Variants in ITPRID2 observed in about 807,000 individuals in gnomAD.
ITPRID2 encodes the protein ITPR interacting domain containing 2.
Under a neutral mutation model 124.3 loss-of-function variants are expected in ITPRID2, and 60 were observed. The observed-to-expected ratio is 0.48, with a 90% CI of 0.39 to 0.60. The LOEUF (loss-of-function observed/expected upper bound fraction) is 0.60. Ranked by LOEUF, ITPRID2 falls within the 20% of genes least tolerant of loss-of-function variation. ITPRID2 has a pLI of 0.00. For synonymous variants in ITPRID2, 521 were observed against 542.9 expected (o/e 0.96, Z 0.56); for missense variants, 1,553 against 1,512.2 (o/e 1.03, Z -0.45).
intron 16 of ITPRID2, among the ~76,000 whole-genome samples, chr2:181,925,392 TTTCCTCACTTCTAATCC>T (rs1694770898): frequency 6.6e-6 from 1 of 152,178 alleles, no homozygotes; most frequent in Non-Finnish European, 1.5e-5. Context: ...CCCAGGGTAG[TTTCCTCACTTCTAATCC>T]TTCCAACCTC....
rs982248954 is a variant in ITPRID2 at position 181,920,780 on chromosome 2, T to C, written c.3210+118T>C. On this transcript the variant is annotated intron_variant, in intron 15 of 17. Transcript: ENST00000431877. ...TTTAAATACATAATTTGATAAATTATTGTTGATTGGAAGTGACTTTCACCT... is the reference window on the plus strand; with the variant it reads ...TTTAAATACATAATTTGATAAATTACTGTTGATTGGAAGTGACTTTCACCT... 8 of 819,944 alleles carry C rather than the reference T, an allele frequency of 9.8e-6. No individual in the cohort carries two copies. The African/African-American group carries it at 1.2e-4, about 12-fold the overall frequency. The allele number at this position is 819,944 out of a possible 1,614,324, so 50.8% of individuals were successfully genotyped here.
rs1695201099 is a variant in ITPRID2 at position 181,930,546 on chromosome 2, T to C, written c.*999T>C. 1 of 152,570 alleles carries C rather than the reference T, an allele frequency of 6.6e-6. No homozygotes were observed. Among genetic ancestry groups the C allele is most frequent in the African/African-American group, 2.4e-5 (1 of 41,452 alleles). 9.5% of individuals were successfully genotyped at this position (152,570 alleles called of 1,614,324 possible). On this transcript the variant is annotated 3_prime_UTR_variant, in exon 18 of 18. Transcript: ENST00000431877. ...CCACCAAATGTTATTAGAATTTTTC[T>C]TCTAGCATTTATAATTTTTTCAACT...
intron 10 of ITPRID2, among the ~76,000 whole-genome samples, chr2:181,914,739 A>C (rs988434784): frequency 6.6e-6 from 1 of 152,230 alleles, no homozygotes; most frequent in Non-Finnish European, 1.5e-5. Flanking sequence ...AATAACCGTA[A>C]GAGAAGAACT....
At position 181,916,432 on chromosome 2, in the gene ITPRID2, G is replaced by A; in HGVS notation, c.2787+5G>A. ...TCACTGCAGAATCTTTCACAGGTAT[G>A]AGAAAAAGTATGTTATCATTAGCTT... On this transcript the variant is annotated splice_donor_5th_base_variant and intron_variant, in intron 11 of 17. Coordinates refer to ENST00000431877, the MANE Select transcript of ITPRID2 (RefSeq NM_001130445.3). 1 of 1,608,222 alleles carries A rather than the reference G, an allele frequency of 6.2e-7. No individual in the cohort carries two copies. Among genetic ancestry groups the A allele is most frequent in the Non-Finnish European group, 8.5e-7 (1 of 1,176,848 alleles).
chr2:181,921,816 A>G, intron 15 of ITPRID2, 132 bp from the exon 16 acceptor site: 4 of 813,978 alleles, frequency 4.9e-6, no homozygotes, highest in Non-Finnish European at 7.6e-6. Context: ...AGTAGTTATT[A>G]AATTAATGGA....
Position 181,918,802 on chromosome 2 carries a change from T to A in ITPRID2, c.2913T>A (p.Phe971Leu), listed in dbSNP as rs975844573. The change falls in exon 13 of 18, where the codon TTT becomes TTA. Residue 971 changes from phenylalanine (F) to leucine (L), a missense_variant. Coordinates refer to ENST00000431877, the MANE Select transcript of ITPRID2 (RefSeq NM_001130445.3). ...TAATGAGGCGGAGCCTGAATTTGTT[T>A]AGAACACAAATGATGGATTTAGAAT... ...LQVMRRSLNLFRTQMMDLELA... is the reference protein window; with the variant it reads ...LQVMRRSLNLLRTQMMDLELA... 1.2e-6 allele frequency: 2 copies of A among 1,614,088 alleles called. No homozygotes were observed. The highest frequency in any genetic ancestry group is 2.7e-5 in the African/African-American group (2 of 74,948).
Position 181,915,774 on chromosome 2 carries a change from C to T in ITPRID2, c.2134C>T (p.Arg712Cys), listed in dbSNP as rs779256788. 29 of 1,613,944 alleles carry T rather than the reference C, an allele frequency of 1.8e-5. No homozygotes were observed. The African/African-American group carries it at 2.3e-4, about 13-fold the overall frequency. Reference sequence around the variant, plus strand: ...CAGTCTGTCTAATCAAAGGATGGGGCGTAGCCTGCTAAAATCAAAAGATTT... The same window carrying T: ...CAGTCTGTCTAATCAAAGGATGGGGTGTAGCCTGCTAAAATCAAAAGATTT... ...VCSLSNQRMG[R>C]SLLKSKDLLK... Residue 712 changes from arginine to cysteine, a missense_variant, in exon 11 of 18, where the codon CGT (arginine) becomes TGT (cysteine). Transcript: ENST00000431877.
intron 11 of ITPRID2, chr2:181,918,189 T>C: frequency 2.1e-6 from 1 of 465,256 alleles, no homozygotes; most frequent in Non-Finnish European, 2.8e-6. Context: ...TAGTGGCATA[T>C]AGGAAATGCT....
At position 181,910,560 on chromosome 2, in the gene ITPRID2, T is replaced by C. The variant is rs79765809; in HGVS notation, c.1486+589T>C. ...CAACAACAACAACAAAAATGTGTGA[T>C]CTTTGGATTTACAAAACTTTTGAGC... is the stretch of plus-strand genomic sequence containing the variant. On this transcript the variant is annotated intron_variant, in intron 9 of 17. Coordinates refer to ENST00000431877, the MANE Select transcript of ITPRID2 (RefSeq NM_001130445.3). The surrounding 1 kb of genome is among the most constrained non-coding windows in gnomAD (Gnocchi z 4.1). 0.037 allele frequency: 25,409 copies of C among 681,778 alleles called. 880 individuals carry two copies. The highest frequency in any genetic ancestry group is 0.13 in the East Asian group (4,634 of 36,128). 42.2% of individuals were successfully genotyped at this position (681,778 alleles called of 1,614,324 possible). A position where few individuals can be genotyped will look rare whatever the true frequency, so the allele number is the denominator to read the frequency against.
chr2:181,899,558 A>G (rs1461099626), intron 6 of ITPRID2, among the ~76,000 whole-genome samples: 1 of 152,206 alleles, frequency 6.6e-6, no homozygotes, highest in African/African-American at 2.4e-5. Context: ...TAGTATAGCC[A>G]GGCCCAGTGG....
intron 11 of ITPRID2, chr2:181,917,016 A>T (rs960011338): frequency 1.6e-5 from 16 of 984,824 alleles, no homozygotes; most frequent in Non-Finnish European, 1.9e-5. Context: ...GTAAAGTGTG[A>T]ATTTGATTTA....
chr2:181,922,408 G>A lies in ITPRID2; in HGVS notation c.3671G>A (p.Arg1224Gln), dbSNP rs1362985053. 27 of 1,604,752 alleles carry A rather than the reference G, an allele frequency of 1.7e-5. No homozygotes were observed. In the East Asian group the frequency reaches 2.7e-4, roughly 16 times the overall value. Reference sequence around the variant, plus strand: ...CAAGATGAGTTGCAGCAAGTCATACGGGAGGTGGGTAAAATCTGTGTTTCA... The same window carrying A: ...CAAGATGAGTTGCAGCAAGTCATACAGGAGGTGGGTAAAATCTGTGTTTCA... ...VEQDELQQVI[R>Q]EIKESIVGEI... The change falls in exon 16 of 18, where the codon CGG (arginine) becomes CAG (glutamine). Residue 1224 changes from arginine (R) to glutamine (Q), a missense_variant. Physicochemically the swap from Arg to Gln is conservative, Grantham distance 43 (BLOSUM62 1). Transcript: ENST00000431877.
chr2:181,914,223 AT>A (rs1052802910), intron 10 of ITPRID2, among the ~76,000 whole-genome samples: 1 of 151,876 alleles, frequency 6.6e-6, no homozygotes, highest in Non-Finnish European at 1.5e-5. Context: ...TGTTTTTCTT[AT>A]TTTTTTAACC....
Position 181,910,704 on chromosome 2 carries a change from A to T in ITPRID2, c.1486+733A>T, listed in dbSNP as rs1693536992. The T allele has an allele frequency of 1.5e-6, 1 of 646,834 alleles. No individual in the cohort carries two copies. Among genetic ancestry groups the T allele is most frequent in the Non-Finnish European group, 2.8e-6 (1 of 356,938 alleles). The allele number at this position is 646,834 out of a possible 1,614,324, so 40.1% of individuals were successfully genotyped here. On this transcript the variant is annotated intron_variant, in intron 9 of 17. Coordinates refer to ENST00000431877, the MANE Select transcript of ITPRID2 (RefSeq NM_001130445.3). This position sits in a 1 kb window ranked among gnomAD's most constrained non-coding sequence, Gnocchi z 4.1. The stretch of plus-strand genomic sequence containing the variant: ...TTTTTTTAAACAAAGATTCGTATGT[A>T]TGTTCCTAGAATAGGAAATTACATG...
chr2:181,902,571 A>C lies in ITPRID2; in HGVS notation c.1413+105A>C, dbSNP rs962694451. The C allele has an allele frequency of 2.2e-4, 183 of 817,752 alleles. No individual in the cohort carries two copies. The highest frequency in any genetic ancestry group is 2.9e-4 in the Non-Finnish European group (161 of 550,894). The allele number at this position is 817,752 out of a possible 1,614,324, so 50.7% of individuals were successfully genotyped here. A position where few individuals can be genotyped will look rare whatever the true frequency, so the allele number is the denominator to read the frequency against. On this transcript the variant is annotated intron_variant, in intron 8 of 17. Transcript: ENST00000431877. The surrounding 1 kb of genome is among the most constrained non-coding windows in gnomAD (Gnocchi z 4.4). Reference sequence around the variant, plus strand: ...TAGCTAATAGATTTATACTAGAAAAATTTATTCTAATTTTGACTTTCCAGG... The same window carrying C: ...TAGCTAATAGATTTATACTAGAAAACTTTATTCTAATTTTGACTTTCCAGG...
rs754978890 is a variant in ITPRID2, at chr2:181,901,898, C to G, written c.845C>G (p.Pro282Arg). The change falls in exon 8 of 18, where the codon CCA becomes CGA. Residue 282 changes from proline to arginine, a missense_variant. By Grantham distance (103) the Pro-to-Arg change is moderately radical (BLOSUM62 -2). Coordinates refer to ENST00000431877, the MANE Select transcript of ITPRID2 (RefSeq NM_001130445.3). ...GTGACCTCTAACAAGGAGACAGACC[C>G]ACCTCCACCTTTAACTCGAAGTAAC... Reference protein sequence around the residue: ...SSVTSNKETDPPPPLTRSNTA... With the variant: ...SSVTSNKETDRPPPLTRSNTA... 1 of 1,613,900 alleles carries G rather than the reference C, an allele frequency of 6.2e-7. No homozygotes were observed. Among genetic ancestry groups the G allele is most frequent in the Admixed American group, 1.7e-5 (1 of 59,974 alleles).
In ITPRID2 at chr2:181,902,392, C is replaced by T. The variant is rs1440462028; in HGVS notation, c.1339C>T (p.Pro447Ser). The T allele has an allele frequency of 6.2e-7, 1 of 1,613,322 alleles. No homozygotes were observed. The highest frequency in any genetic ancestry group is 1.7e-5 in the Admixed American group (1 of 59,908). Reference sequence around the variant, plus strand: ...CCATATATCCACACCTGAAAAAGAGCCTTGTGCACCACTGACAATACCATC... The same window carrying T: ...CCATATATCCACACCTGAAAAAGAGTCTTGTGCACCACTGACAATACCATC... Reference protein sequence around the residue: ...SVHISTPEKEPCAPLTIPSIR... With the variant: ...SVHISTPEKESCAPLTIPSIR... The change falls in exon 8 of 18, where the codon CCT (proline) becomes TCT (serine). Residue 447 changes from proline (P) to serine (S), a missense_variant. Transcript: ENST00000431877. This position sits in a 1 kb window ranked among gnomAD's most constrained non-coding sequence, Gnocchi z 4.4.
chr2:181,897,947 A>G (rs950902308), intron 4 of ITPRID2, among the ~76,000 whole-genome samples: 2 of 152,014 alleles, frequency 1.3e-5, no homozygotes, highest in Non-Finnish European at 2.9e-5. Context: ...ACTCAGTACA[A>G]TTGAACATGT....
At chr2:181,912,041 A>T (rs1048773298) in intron 9 of ITPRID2, among the ~76,000 whole-genome samples, 1 of 152,226 alleles carries the variant, frequency 6.6e-6, no homozygotes, top group Non-Finnish European at 1.5e-5. Flanking sequence ...AGCAGAGAGA[A>T]CCAGTCAGAG....
Sources: allele counts gnomAD v4.1 joint callset (sites outside exome capture counted in the v4.1 genomes callset), GRCh38; gene constraint gnomAD v4.1.1; non-coding constraint Gnocchi (gnomAD v3.1); transcripts MANE v1.5; gene names NCBI Gene and HGNC (gene_info 2026-07-23, HGNC 2026-07-21).